The following SLC6A15 variants were observed in gnomAD, a reference collection of about 807,000 sequenced individuals.
SLC6A15 encodes sodium-dependent neutral amino acid transporter B(0)AT2.
A neutral mutation model predicts 68.5 loss-of-function variants in SLC6A15; 33 were observed. The ratio of observed to expected loss-of-function variants is 0.48; its 90% CI spans 0.37 to 0.64. The LOEUF is 0.64. Among genes scored for constraint, SLC6A15 ranks in the 30% least tolerant of loss-of-function variants. The pLI, the probability that SLC6A15 is intolerant of heterozygous loss-of-function variation, is 0.00. For synonymous variants in SLC6A15, 347 were observed against 301.0 expected (o/e 1.15, Z -1.58); for missense variants, 747 against 874.3 (o/e 0.85, Z 1.84).
At position 84,859,609 on chromosome 12, in the gene SLC6A15, G is replaced by C. The variant is rs1222195382; in HGVS notation, c.*2023C>G. On this transcript the variant is annotated 3_prime_UTR_variant, in exon 12 of 12. Transcript: ENST00000266682. The stretch of plus-strand genomic sequence containing the variant: ...GAGCCCCCATGGCAAGAGAGTGAGA[G>C]AAGAAGAATGGTGCTATTTGGCAAT... 6.6e-6 allele frequency: 1 copy of C among 151,284 alleles called. No individual in the cohort carries two copies. The highest frequency in any genetic ancestry group is 2.1e-4 in the South Asian group (1 of 4,810). 9.4% of individuals were successfully genotyped at this position (151,284 alleles called of 1,614,324 possible). A position where few individuals can be genotyped will look rare whatever the true frequency, so the allele number is the denominator to read the frequency against.
At chr12:84,870,234 A>C (rs1460397777) in intron 9 of SLC6A15, among the ~76,000 whole-genome samples, 1 of 150,542 alleles carries the variant, frequency 6.6e-6, no homozygotes, top group Non-Finnish European at 1.5e-5. Context: ...ATAACAATAA[A>C]TATTTATTAT....
chr12:84,885,556 G>A lies in SLC6A15; in HGVS notation c.453C>T (p.Cys151=). The A allele has an allele frequency of 6.2e-7, 1 of 1,611,890 alleles. No homozygotes were observed. The highest frequency in any genetic ancestry group is 8.5e-7 in the Non-Finnish European group (1 of 1,179,136). ...CGTTGTAGTAGAGAGCTACAAAATA[G>A]CACACCTGCAAAATAAAATGATATC... ...GGIGFASCVV[C]YFVALYYNVI... The change falls in exon 4 of 12, where the codon TGC becomes TGT. Residue 151 remains cysteine (C), a synonymous_variant. Coordinates refer to ENST00000266682, the MANE Select transcript of SLC6A15 (RefSeq NM_182767.6).
chr12:84,893,738 A>G (rs1349615492), intron 1 of SLC6A15, among the ~76,000 whole-genome samples: 1 of 152,124 alleles, frequency 6.6e-6, no homozygotes, highest in Non-Finnish European at 1.5e-5. Context: ...AACCCAGTGG[A>G]AAAAAAATTA....
At chr12:84,881,845 T>C in intron 5 of SLC6A15, 1 of 984,914 alleles carries the variant, frequency 1.0e-6, no homozygotes, top group Non-Finnish European at 1.2e-6. Context: ...TTGTTTCAGA[T>C]TGAGGAATTG....
In SLC6A15 at chr12:84,885,342, C is replaced by T. The variant is rs76715880; in HGVS notation, c.574+93G>A. ...ATGATAATTTTGAATGATGTTTCTA[C>T]ATTATTTTAAAAAGAAAAAAATCTT... On this transcript the variant is annotated intron_variant, in intron 4 of 11. Transcript: ENST00000266682. 9.6e-3 allele frequency: 11,396 copies of T among 1,181,470 alleles called. 72 individuals are homozygous for T. Among genetic ancestry groups the T allele is most frequent in the Non-Finnish European group, 0.01 (9,128 of 875,772 alleles). The allele number at this position is 1,181,470 out of a possible 1,614,324, so 73.2% of individuals were successfully genotyped here. A position where few individuals can be genotyped will look rare whatever the true frequency, so the allele number is the denominator to read the frequency against.
chr12:84,886,335 AAC>A (rs2120648612), intron 2 of SLC6A15, among the ~76,000 whole-genome samples: 1 of 152,222 alleles, frequency 6.6e-6, no homozygotes, highest in African/African-American at 2.4e-5. Flanking sequence ...TAAAGAGTAA[AAC>A]AGTTTCATTT....
In SLC6A15 at chr12:84,872,680, G is replaced by A; in HGVS notation, c.1224C>T (p.Asp408=). ...CTTCTTCTTTCACTTTTTGAATGAT[G>A]TCATAAACTAAATGATAATCTTCTG... ...VTAEDYHLVY[D]IIQKVKEEEF... Residue 408 remains aspartate, a synonymous_variant, in exon 8 of 12, where the codon GAC becomes GAT. Transcript: ENST00000266682. 1 of 1,612,470 alleles carries A rather than the reference G, an allele frequency of 6.2e-7. No homozygotes were observed.
intron 1 of SLC6A15, among the ~76,000 whole-genome samples, chr12:84,899,914 A>G (rs1481025598): frequency 6.6e-6 from 1 of 152,100 alleles, no homozygotes; most frequent in East Asian, 1.9e-4. Flanking sequence ...CTTAACCCCA[A>G]CCATTTTACT....
chr12:84,876,897 G>A (rs918637259), intron 5 of SLC6A15, among the ~76,000 whole-genome samples: 2 of 152,146 alleles, frequency 1.3e-5, no homozygotes, highest in Admixed American at 6.5e-5. Context: ...CATAAAACAA[G>A]AAATATTTAA....
intron 1 of SLC6A15, among the ~76,000 whole-genome samples, chr12:84,905,352 T>C (rs1268319009): frequency 6.6e-6 from 1 of 152,184 alleles, no homozygotes. Flanking sequence ...CAAAATTCAA[T>C]GTCCATTTAT....
chr12:84,861,481 G>C lies in SLC6A15; in HGVS notation c.*151C>G. ...CCAAAGAATCCAAAAGAATGCTCAA[G>C]TTGAACTGACATATACTGTTAGGAT... On this transcript the variant is annotated 3_prime_UTR_variant, in exon 12 of 12. Transcript: ENST00000266682. 4 of 803,424 alleles carry C rather than the reference G, an allele frequency of 5.0e-6. No individual in the cohort carries two copies. The highest frequency in any genetic ancestry group is 7.5e-6 in the Non-Finnish European group (4 of 534,716). 49.8% of individuals were successfully genotyped at this position (803,424 alleles called of 1,614,324 possible).
intron 1 of SLC6A15, among the ~76,000 whole-genome samples, chr12:84,894,901 T>C (rs1872573293): frequency 6.6e-6 from 1 of 152,016 alleles, no homozygotes; most frequent in African/African-American, 2.4e-5. Context: ...ACTACAGATA[T>C]CGTATAACAA....
At position 84,860,641 on chromosome 12, in the gene SLC6A15, A is replaced by G. The variant is rs567095350; in HGVS notation, c.*991T>C. The G allele has an allele frequency of 1.1e-4, 17 of 152,142 alleles. No individual in the cohort carries two copies. Among genetic ancestry groups the G allele is most frequent in the Non-Finnish European group, 2.1e-4 (14 of 67,996 alleles). The allele number at this position is 152,142 out of a possible 1,614,324, so 9.4% of individuals were successfully genotyped here. A position where few individuals can be genotyped will look rare whatever the true frequency, so the allele number is the denominator to read the frequency against. ...GTGATACAAAGAAAATCAATGTGAA[A>G]AACAAACATCATTTTTAAACTTTGT... On this transcript the variant is annotated 3_prime_UTR_variant, in exon 12 of 12. Coordinates refer to ENST00000266682, the MANE Select transcript of SLC6A15 (RefSeq NM_182767.6).
Position 84,863,302 on chromosome 12 carries a change from A to G in SLC6A15, c.1818+137T>C, listed in dbSNP as rs570926617. ...TATGCTCGGGGCAGAGCACAAACGT[A>G]AATCTCATATCCTTGCATAAAAGCT... On this transcript the variant is annotated intron_variant, in intron 11 of 11. Coordinates refer to ENST00000266682, the MANE Select transcript of SLC6A15 (RefSeq NM_182767.6). The G allele has an allele frequency of 2.8e-5, 17 of 606,526 alleles. No homozygotes were observed. The African/African-American group carries it at 3.1e-4, about 11-fold the overall frequency. 37.6% of individuals were successfully genotyped at this position (606,526 alleles called of 1,614,324 possible). A position where few individuals can be genotyped will look rare whatever the true frequency, so the allele number is the denominator to read the frequency against.
chr12:84,895,647 T>C (rs1435701691), intron 1 of SLC6A15, among the ~76,000 whole-genome samples: 2 of 152,028 alleles, frequency 1.3e-5, no homozygotes, highest in East Asian at 3.9e-4. Flanking sequence ...ATGACCAGTT[T>C]GTTTGTATTT....
intron 2 of SLC6A15, among the ~76,000 whole-genome samples, chr12:84,890,976 T>C (rs564933093): frequency 6.6e-6 from 1 of 152,160 alleles, no homozygotes; most frequent in African/African-American, 2.4e-5. Context: ...TTCATATACA[T>C]AGATAATAAC....
chr12:84,910,494 T>C (rs1388150201), intron 1 of SLC6A15, among the ~76,000 whole-genome samples: 1 of 152,082 alleles, frequency 6.6e-6, no homozygotes, highest in African/African-American at 2.4e-5. Context: ...GAGAAAAAAA[T>C]ACATACTGTT....
At chr12:84,898,900 T>C (rs1466568892) in intron 1 of SLC6A15, among the ~76,000 whole-genome samples, 1 of 152,242 alleles carries the variant, frequency 6.6e-6, no homozygotes, top group African/African-American at 2.4e-5. Context: ...ACAATTTAAT[T>C]CTTTCATGAT....
intron 9 of SLC6A15, among the ~76,000 whole-genome samples, chr12:84,869,398 C>T (rs1475511816): frequency 7.1e-6 from 1 of 140,382 alleles, no homozygotes; most frequent in African/African-American, 2.7e-5. Context: ...GGAGGCGGAG[C>T]TTGCAGTGAG....
Sources: allele counts gnomAD v4.1 joint callset (sites outside exome capture counted in the v4.1 genomes callset), GRCh38; gene constraint gnomAD v4.1.1; transcripts MANE v1.5; gene names NCBI Gene and HGNC (gene_info 2026-07-23, HGNC 2026-07-21).